The following DLGAP4 variants were observed in gnomAD, a reference collection of about 807,000 sequenced individuals.
DLGAP4 encodes DLG associated protein 4, also known as disks large-associated protein 4.
Under a neutral mutation model 86.9 loss-of-function variants are expected in DLGAP4, and 18 were observed. That is an observed-to-expected ratio of 0.21 (90% CI 0.14 to 0.31). DLGAP4 has a LOEUF of 0.31. Ranked by LOEUF, DLGAP4 falls within the 10% of genes least tolerant of loss-of-function variation. The pLI is 1.00. For synonymous variants in DLGAP4, 548 were observed against 574.3 expected, an observed-to-expected ratio of 0.95 and a Z score of 0.65; for missense variants, 1,085 against 1,362.6, an observed-to-expected ratio of 0.80 and a Z score of 3.21.
chr20:36,326,569 T>C (rs1422953018), intron 1 of DLGAP4, among the ~76,000 whole-genome samples: 1 of 152,194 alleles, frequency 6.6e-6, no homozygotes, highest in Non-Finnish European at 1.5e-5. Context: ...TACATTGTTA[T>C]TGTTTTTGTC....
intron 1 of DLGAP4, among the ~76,000 whole-genome samples, chr20:36,321,263 G>A (rs1216220246): frequency 3.3e-5 from 5 of 152,230 alleles, no homozygotes; most frequent in Non-Finnish European, 7.3e-5. Context: ...AACAGCACGT[G>A]CAAAGGGCTG....
intron 7 of DLGAP4, among the ~76,000 whole-genome samples, chr20:36,476,110 T>C (rs921935741): frequency 1.1e-4 from 17 of 151,462 alleles, no homozygotes; most frequent in East Asian, 5.9e-4. Context: ...CCACCTGCCT[T>C]GGCCTCCCAA....
intron 2 of DLGAP4, among the ~76,000 whole-genome samples, chr20:36,375,734 C>T (rs971255639): frequency 3.3e-5 from 5 of 152,174 alleles, no homozygotes; most frequent in African/African-American, 1.2e-4. Context: ...CTGAAGATCT[C>T]ACCTGCCTCC....
intron 2 of DLGAP4, among the ~76,000 whole-genome samples, chr20:36,381,320 A>G (rs1181381685): frequency 2.6e-5 from 4 of 152,252 alleles, no homozygotes; most frequent in Non-Finnish European, 5.9e-5. Context: ...ATCAGTGTCA[A>G]AACAGAGGAT....
At chr20:36,518,505 C>T (rs2037177606) in intron 10 of DLGAP4, among the ~76,000 whole-genome samples, 1 of 151,950 alleles carries the variant, frequency 6.6e-6, no homozygotes. Context: ...TTTATATAAG[C>T]TTTGAAGCCG....
chr20:36,524,924 A>G (rs2037615278), intron 11 of DLGAP4, among the ~76,000 whole-genome samples: 1 of 151,038 alleles, frequency 6.6e-6, no homozygotes, highest in Admixed American at 6.6e-5. Flanking sequence ...AATTATATAC[A>G]TATATATTTT....
chr20:36,508,419 G>GTTTTTTT (rs1569523131), intron 10 of DLGAP4: 5 of 134,598 alleles, frequency 3.7e-5, no homozygotes, highest in African/African-American at 1.5e-4. Context: ...ATGTTTCAGG[G>GTTTTTTT]TTCTTTTTTT....
intron 2 of DLGAP4, among the ~76,000 whole-genome samples, chr20:36,384,531 G>C (rs1750498176): frequency 6.6e-6 from 1 of 152,206 alleles, no homozygotes; most frequent in South Asian, 2.1e-4. Flanking sequence ...CTGAAGGTTA[G>C]AGAAGTTGAG....
chr20:36,493,456 C>T (rs1375407183), intron 7 of DLGAP4, among the ~76,000 whole-genome samples: 1 of 152,162 alleles, frequency 6.6e-6, no homozygotes, highest in Non-Finnish European at 1.5e-5. Context: ...AGTGAGAATC[C>T]CTCCCGCCCT....
At chr20:36,416,816 GC>G (rs1236622945) in intron 2 of DLGAP4, among the ~76,000 whole-genome samples, 1 of 152,006 alleles carries the variant, frequency 6.6e-6, no homozygotes, top group Non-Finnish European at 1.5e-5. Flanking sequence ...TGGAGAAGAA[GC>G]AAAAAAGAGG....
At chr20:36,435,986 A>G (rs536814743) in intron 3 of DLGAP4, 123 bp from the exon 4 acceptor site, 2 of 1,386,764 alleles carry the variant, frequency 1.4e-6, no homozygotes, top group African/African-American at 3.0e-5. Context: ...CAAAGGCGGG[A>G]AACCCAGCAC....
At chr20:36,332,018 G>A (rs2065273764) in intron 1 of DLGAP4, among the ~76,000 whole-genome samples, 1 of 152,064 alleles carries the variant, frequency 6.6e-6, no homozygotes, top group Admixed American at 6.6e-5. Flanking sequence ...TAAGGACAGG[G>A]GGTGCGTCTA....
At chr20:36,363,946 G>C (rs2147407989) in intron 1 of DLGAP4, among the ~76,000 whole-genome samples, 1 of 152,328 alleles carries the variant, frequency 6.6e-6, no homozygotes, top group South Asian at 2.1e-4. Flanking sequence ...CTAGGAGCCA[G>C]TAACGGGCAG....
intron 7 of DLGAP4, among the ~76,000 whole-genome samples, chr20:36,487,828 C>T (rs1337596214): frequency 6.6e-6 from 1 of 152,178 alleles, no homozygotes; most frequent in African/African-American, 2.4e-5. Flanking sequence ...ATACCTCATG[C>T]CTGTCAGCTC....
At chr20:36,395,617 G>A (rs2031923746) in intron 2 of DLGAP4, among the ~76,000 whole-genome samples, 3 of 152,102 alleles carry the variant, frequency 2.0e-5, no homozygotes, top group Admixed American at 2.0e-4. Context: ...TCCTGCCTCA[G>A]CCTCCTGAGT....
intron 2 of DLGAP4, among the ~76,000 whole-genome samples, chr20:36,409,398 CTTTTTTTTTTTAACTCTTTTT>C (rs201134501): frequency 0.082 from 11,672 of 142,346 alleles, 605 homozygotes; most frequent in South Asian, 0.23. Context: ...TTTTTTAAGA[CTTTTTTTTTTTAACTCTTTTT>C]TTTTTTTTTT....
chr20:36,423,787 C>T (rs1325034854), intron 2 of DLGAP4, among the ~76,000 whole-genome samples: 2 of 152,004 alleles, frequency 1.3e-5, no homozygotes. Flanking sequence ...CATGGGGAAA[C>T]TGTCTCTACC....
chr20:36,309,656 G>A (rs2065035706), intron 1 of DLGAP4, among the ~76,000 whole-genome samples: 2 of 152,258 alleles, frequency 1.3e-5, no homozygotes, highest in Non-Finnish European at 2.9e-5. Context: ...CTTTAGAGGT[G>A]TGCCCCTGGC....
chr20:36,445,271 C>T (rs2033559784), intron 6 of DLGAP4, among the ~76,000 whole-genome samples: 1 of 151,954 alleles, frequency 6.6e-6, no homozygotes, highest in Non-Finnish European at 1.5e-5. Flanking sequence ...TTTGGGAGGC[C>T]GAGGCGGGCA....
Sources: allele counts gnomAD v4.1 joint callset (sites outside exome capture counted in the v4.1 genomes callset), GRCh38; gene constraint gnomAD v4.1.1; transcripts MANE v1.5; gene names NCBI Gene and HGNC (gene_info 2026-07-23, HGNC 2026-07-21).